Variants in SMIM35 observed in about 807,000 individuals in gnomAD.
SMIM35 encodes the protein TMPRSS4 antisense RNA 1 (non-protein coding).
rs142019643 is a variant in SMIM35, at chr11:118,014,074, G to A, written c.159-194C>T. On this transcript the variant is annotated intron_variant, in intron 3 of 4. Transcript: ENST00000689828. Reference sequence around the variant, plus strand: ...GTGGCAAGTAGATGAGATGACCAACGCCAAGAGGACTTCCAGCTCGCACTC... The same window carrying A: ...GTGGCAAGTAGATGAGATGACCAACACCAAGAGGACTTCCAGCTCGCACTC... 2.3e-3 allele frequency among the ~76,000 whole-genome samples: 349 copies of A among 152,260 alleles called. 1 individual carries two copies. Among genetic ancestry groups the A allele is most frequent in the African/African-American group, 8.1e-3 (338 of 41,546 alleles).
At chr11:118,060,130 C>A (rs1205454171) in intron 1 of SMIM35, among the ~76,000 whole-genome samples, 4 of 152,196 alleles carry the variant, frequency 2.6e-5, no homozygotes, top group Non-Finnish European at 5.9e-5. Context: ...AAACCCAATT[C>A]CCGCGCTCTA....
chr11:118,061,864 C>G (rs1385642766), intron 1 of SMIM35, among the ~76,000 whole-genome samples: 1 of 152,164 alleles, frequency 6.6e-6, no homozygotes, highest in East Asian at 1.9e-4. Context: ...AAGGGATTCC[C>G]ACTTTTGCAG....
intron 1 of SMIM35, among the ~76,000 whole-genome samples, chr11:118,016,283 C>A (rs2058182742): frequency 6.6e-6 from 1 of 152,176 alleles, no homozygotes; most frequent in Admixed American, 6.5e-5. Context: ...GCTGCCTGTA[C>A]TTACCACTTC....
At chr11:118,044,846 T>C (rs1944072081) in intron 1 of SMIM35, among the ~76,000 whole-genome samples, 1 of 150,896 alleles carries the variant, frequency 6.6e-6, no homozygotes, top group Non-Finnish European at 1.5e-5. Context: ...CCTCCTAGTT[T>C]GATCACTTAG....
intron 1 of SMIM35, among the ~76,000 whole-genome samples, chr11:118,062,082 C>T (rs1944402055): frequency 6.6e-6 from 1 of 152,174 alleles, no homozygotes; most frequent in Admixed American, 6.5e-5. Flanking sequence ...GTAATCCCAT[C>T]CCTTTAGGAG....
chr11:118,027,216 A>T (rs1167283740), intron 1 of SMIM35, among the ~76,000 whole-genome samples: 1 of 145,290 alleles, frequency 6.9e-6, no homozygotes, highest in African/African-American at 2.6e-5. Context: ...TTCAGTAGAG[A>T]CGGGGTTTCA....
chr11:118,077,311 T>A, intron 1 of SMIM35: 1 of 1,599,428 alleles, frequency 6.3e-7, no homozygotes, highest in Non-Finnish European at 8.5e-7. Flanking sequence ...GCATGGTGAG[T>A]GTGGGGCCCT....
At chr11:118,072,941 G>A (rs1944595299) in intron 1 of SMIM35, among the ~76,000 whole-genome samples, 1 of 152,168 alleles carries the variant, frequency 6.6e-6, no homozygotes, top group Admixed American at 6.5e-5. Flanking sequence ...TTGTTTTTGA[G>A]ACGGAGTCTC....
chr11:118,042,414 G>A (rs1944020644), intron 1 of SMIM35, among the ~76,000 whole-genome samples: 1 of 152,020 alleles, frequency 6.6e-6, no homozygotes, highest in Non-Finnish European at 1.5e-5. Context: ...GACTCAAGAA[G>A]AAACAGATGA....
intron 1 of SMIM35, among the ~76,000 whole-genome samples, chr11:118,051,871 TA>T (rs1242415110): frequency 1.4e-5 from 2 of 142,728 alleles, no homozygotes; most frequent in Non-Finnish European, 3.0e-5. Flanking sequence ...AATACTATAC[TA>T]ATACTAATAC....
intron 1 of SMIM35, chr11:118,077,216 GA>G: frequency 6.5e-7 from 1 of 1,540,290 alleles, no homozygotes; most frequent in Middle Eastern, 1.7e-4. Flanking sequence ...GGCCAGCCAG[GA>G]CCTGTGTGGG....
At chr11:118,082,915 G>A (rs897717433) in intron 1 of SMIM35, among the ~76,000 whole-genome samples, 1 of 152,210 alleles carries the variant, frequency 6.6e-6, no homozygotes, top group African/African-American at 2.4e-5. Flanking sequence ...GGTTCCCCAA[G>A]CGTACTTTGA....
chr11:118,021,490 T>C (rs2058231236), intron 1 of SMIM35, among the ~76,000 whole-genome samples: 1 of 152,182 alleles, frequency 6.6e-6, no homozygotes, highest in Non-Finnish European at 1.5e-5. Flanking sequence ...TTCCGTTATG[T>C]CTAATTTTAT....
intron 1 of SMIM35, among the ~76,000 whole-genome samples, chr11:118,050,930 C>G (rs532019496): frequency 6.6e-6 from 1 of 152,350 alleles, no homozygotes; most frequent in South Asian, 2.1e-4. Flanking sequence ...CCCACCCTAT[C>G]TGCAGAAGAG....
intron 1 of SMIM35, among the ~76,000 whole-genome samples, chr11:118,039,045 C>T (rs186069639): frequency 2.6e-5 from 4 of 152,034 alleles, no homozygotes; most frequent in African/African-American, 9.6e-5. Context: ...GGATTTGGGG[C>T]TTTATAATAA....
intron 1 of SMIM35, among the ~76,000 whole-genome samples, chr11:118,081,088 G>A (rs145027260): frequency 3.2e-3 from 491 of 152,302 alleles, no homozygotes; most frequent in Non-Finnish European, 5.3e-3. Flanking sequence ...CATGGACTAG[G>A]CACTTAGTAA....
chr11:118,032,241 G>A (rs1458249838), intron 1 of SMIM35, among the ~76,000 whole-genome samples: 1 of 152,220 alleles, frequency 6.6e-6, no homozygotes, highest in African/African-American at 2.4e-5. Flanking sequence ...CGGGGCAACT[G>A]ACAAAACTTG....
intron 1 of SMIM35, among the ~76,000 whole-genome samples, chr11:118,061,183 C>T (rs1414006267): frequency 2.0e-5 from 3 of 152,212 alleles, no homozygotes; most frequent in South Asian, 2.1e-4. Context: ...CAGGCCAAGG[C>T]GCAAGCCCAG....
chr11:118,031,270 G>T (rs1431554065), intron 1 of SMIM35, among the ~76,000 whole-genome samples: 1 of 152,198 alleles, frequency 6.6e-6, no homozygotes, highest in Non-Finnish European at 1.5e-5. Flanking sequence ...AGGGCTTGAG[G>T]CAGCAATGTC....
Sources: allele counts gnomAD v4.1 joint callset (sites outside exome capture counted in the v4.1 genomes callset), GRCh38; gene constraint gnomAD v4.1.1; transcripts MANE v1.5; gene names NCBI Gene and HGNC (gene_info 2026-07-23, HGNC 2026-07-21).